Variants in GPC6 observed in about 807,000 individuals in gnomAD.
The protein encoded by GPC6 is glypican 6.
Under a neutral mutation model 55.2 loss-of-function variants are expected in GPC6, and 14 were observed. The ratio of observed to expected loss-of-function variants is 0.25; its 90% CI spans 0.17 to 0.40. GPC6 has a LOEUF of 0.40. Ranked by LOEUF, GPC6 falls within the 10% of genes least tolerant of loss-of-function variation. The probability of loss-of-function intolerance (pLI) is 1.00; values close to 1 mark genes in which losing one functional copy is unlikely to be tolerated. For synonymous variants in GPC6, 278 were observed against 259.6 expected (o/e 1.07, Z -0.68); for missense variants, 641 against 708.5 (o/e 0.90, Z 1.08).
intron 6 of GPC6, among the ~76,000 whole-genome samples, chr13:94,361,154 G>A (rs1419759422): frequency 1.2e-4 from 18 of 152,198 alleles, no homozygotes; most frequent in Non-Finnish European, 2.2e-4. Context: ...TGGTTGCTGA[G>A]TGTCCAATAG....
chr13:93,845,556 C>T (rs2139003935), intron 3 of GPC6, among the ~76,000 whole-genome samples: 1 of 141,556 alleles, frequency 7.1e-6, no homozygotes, highest in African/African-American at 2.7e-5. Context: ...CGGCATTATT[C>T]ACAATAGCAA....
chr13:94,191,696 C>T (rs1281137903), intron 4 of GPC6, among the ~76,000 whole-genome samples: 1 of 151,942 alleles, frequency 6.6e-6, no homozygotes, highest in Non-Finnish European at 1.5e-5. Flanking sequence ...TAAATCCAAT[C>T]CTCCCAGCCC....
At chr13:93,716,782 C>T (rs904507349) in intron 2 of GPC6, among the ~76,000 whole-genome samples, 1 of 151,582 alleles carries the variant, frequency 6.6e-6, no homozygotes, top group Non-Finnish European at 1.5e-5. Context: ...CCTTCACATT[C>T]ACTCATACCT....
chr13:93,837,195 A>T (rs1359467218), intron 3 of GPC6, among the ~76,000 whole-genome samples: 3 of 152,158 alleles, frequency 2.0e-5, no homozygotes, highest in Admixed American at 6.5e-5. Flanking sequence ...CCAGTAACCT[A>T]TGTCTGAGTT....
At chr13:94,115,133 A>C (rs1305925063) in intron 4 of GPC6, among the ~76,000 whole-genome samples, 1 of 152,190 alleles carries the variant, frequency 6.6e-6, no homozygotes, top group Non-Finnish European at 1.5e-5. Flanking sequence ...CAAGGAAACC[A>C]GGCCATAGGT....
intron 2 of GPC6, among the ~76,000 whole-genome samples, chr13:93,583,629 C>T (rs1042533760): frequency 2.0e-5 from 3 of 152,170 alleles, no homozygotes; most frequent in African/African-American, 7.2e-5. Flanking sequence ...GTTGGCCAAG[C>T]TGGTCTCAAG....
intron 4 of GPC6, among the ~76,000 whole-genome samples, chr13:94,110,244 T>C (rs1886194886): frequency 6.6e-6 from 1 of 151,768 alleles, no homozygotes; most frequent in African/African-American, 2.4e-5. Context: ...TGTGAAATCA[T>C]TGTCAAGGAG....
intron 4 of GPC6, among the ~76,000 whole-genome samples, chr13:94,229,487 G>A (rs982546280): frequency 7.2e-5 from 11 of 152,108 alleles, no homozygotes; most frequent in Admixed American, 2.6e-4. Flanking sequence ...CACTTGAAAC[G>A]TGTAGCCTGA....
chr13:93,538,359 G>A (rs1426081755), intron 1 of GPC6, among the ~76,000 whole-genome samples: 2 of 152,136 alleles, frequency 1.3e-5, no homozygotes, highest in Admixed American at 6.6e-5. Context: ...AACTGGAAAT[G>A]TTCTTAAGAG....
intron 2 of GPC6, among the ~76,000 whole-genome samples, chr13:93,607,694 A>G (rs1270368908): frequency 6.6e-6 from 1 of 152,200 alleles, no homozygotes; most frequent in Non-Finnish European, 1.5e-5. Flanking sequence ...TTTGGGGCCA[A>G]TAATGCCTTA....
At chr13:94,372,211 C>T (rs1879582304) in intron 6 of GPC6, among the ~76,000 whole-genome samples, 1 of 152,114 alleles carries the variant, frequency 6.6e-6, no homozygotes, top group Non-Finnish European at 1.5e-5. Flanking sequence ...GGGGAGGAGC[C>T]AAGATGGCCG....
Position 94,160,180 on chromosome 13 carries a change from T to G in GPC6, c.878-126169T>G, listed in dbSNP as rs559528424. ...AGTATATTGTTATAATTGTTCTATT[T>G]TATTATTAGTTATTGCTGTTAATCA... On this transcript the variant is annotated intron_variant, in intron 4 of 8. Coordinates refer to ENST00000377047, the MANE Select transcript of GPC6 (RefSeq NM_005708.5). 2.6e-5 allele frequency among the ~76,000 whole-genome samples: 4 copies of G among 152,338 alleles called. No homozygotes were observed. The East Asian group carries it at 7.7e-4, about 29-fold the overall frequency.
intron 2 of GPC6, among the ~76,000 whole-genome samples, chr13:93,717,867 T>A (rs1329943245): frequency 2.0e-5 from 3 of 151,902 alleles, no homozygotes; most frequent in Non-Finnish European, 4.4e-5. Flanking sequence ...AGTGTTTGGT[T>A]TTCTGTTCCT....
chr13:94,080,139 T>G (rs1055041474), intron 4 of GPC6, among the ~76,000 whole-genome samples: 1 of 152,226 alleles, frequency 6.6e-6, no homozygotes, highest in African/African-American at 2.4e-5. Context: ...TTGAGATTCA[T>G]CATCCCAGGA....
chr13:94,164,835 G>A (rs1342941838), intron 4 of GPC6, among the ~76,000 whole-genome samples: 1 of 152,012 alleles, frequency 6.6e-6, no homozygotes, highest in East Asian at 1.9e-4. Flanking sequence ...GGGATTTCTG[G>A]AAATATAGTG....
intron 3 of GPC6, among the ~76,000 whole-genome samples, chr13:93,978,073 G>C (rs1259337244): frequency 6.6e-6 from 1 of 152,190 alleles, no homozygotes; most frequent in Non-Finnish European, 1.5e-5. Context: ...AATGGAAGAA[G>C]ATGGTCGACA....
intron 3 of GPC6, among the ~76,000 whole-genome samples, chr13:93,926,830 A>C (rs529879572): frequency 6.4e-4 from 97 of 152,250 alleles, no homozygotes; most frequent in Non-Finnish European, 1.3e-3. Flanking sequence ...TAGAAGACAG[A>C]CACTGTTAAC....
intron 3 of GPC6, among the ~76,000 whole-genome samples, chr13:94,009,324 C>T (rs935693344): frequency 6.6e-6 from 1 of 152,176 alleles, no homozygotes; most frequent in Non-Finnish European, 1.5e-5. Context: ...ATCTTCCAAA[C>T]TGTAAGTCAA....
intron 1 of GPC6, among the ~76,000 whole-genome samples, chr13:93,294,863 T>A (rs1878432454): frequency 6.6e-6 from 1 of 152,032 alleles, no homozygotes; most frequent in Admixed American, 6.6e-5. Context: ...TGGACATACA[T>A]CAGCCATTTT....
Sources: gnomAD v4.1 joint callset for allele counts (sites outside exome capture counted in the v4.1 genomes callset) on GRCh38, gnomAD v4.1.1 for gene constraint, MANE v1.5 for transcripts, NCBI Gene and HGNC (gene_info 2026-07-23, HGNC 2026-07-21) for gene names.